Variants in VKORC1L1 observed in about 807,000 individuals in gnomAD.
VKORC1L1 encodes vitamin K epoxide reductase complex subunit 1-like protein 1.
VKORC1L1 carries 2 observed loss-of-function variants against 18.9 expected under a neutral mutation model. That is an observed-to-expected ratio of 0.11 (90% confidence interval 0.04 to 0.33). The LOEUF (loss-of-function observed/expected upper bound fraction) is 0.33, where lower values mean the gene tolerates loss of function less well. VKORC1L1 is among the 10% of genes least tolerant of loss of function. The probability of loss-of-function intolerance (pLI) is 1.00; values close to 1 mark genes in which losing one functional copy is unlikely to be tolerated. For missense variants in VKORC1L1, 123 were observed against 224.1 expected (o/e 0.55, Z 2.88); for synonymous variants, 96 against 100.0 (o/e 0.96, Z 0.24).
Position 65,873,538 on chromosome 7 carries a change from T to A in VKORC1L1, c.167T>A (p.Val56Glu). ...HRALCDLGPWVKCSAALASRW... is the reference protein window; with the variant it reads ...HRALCDLGPWEKCSAALASRW... ...GCCCTCTGCGACCTGGGGCCCTGGG[T>A]GAAGTGCTCCGCCGCCCTTGCCTCC... Residue 56 changes from valine (V) to glutamate (E), a missense_variant, in exon 1 of 3, where the codon GTG becomes GAG. Val to Glu is a moderately radical substitution (Grantham distance 121). Around this residue, in one of 4 missense-constraint regions of VKORC1L1, gnomAD observed 60 missense variants for 76.9 expected, o/e 0.78. Coordinates refer to ENST00000360768, the MANE Select transcript of VKORC1L1 (RefSeq NM_173517.6). 6.4e-7 allele frequency: 1 copy of A among 1,571,832 alleles called. No homozygotes were observed. The highest frequency in any genetic ancestry group is 8.6e-7 in the Non-Finnish European group (1 of 1,162,474).
chr7:65,877,382 C>T (rs1382581293), intron 1 of VKORC1L1, among the ~76,000 whole-genome samples: 2 of 150,666 alleles, frequency 1.3e-5, no homozygotes, highest in Non-Finnish European at 2.9e-5. Context: ...TCTCGCTGCT[C>T]TGTCACCCGG....
chr7:65,896,377 G>T (rs1789212573), intron 1 of VKORC1L1, among the ~76,000 whole-genome samples: 1 of 152,020 alleles, frequency 6.6e-6, no homozygotes, highest in Admixed American at 6.6e-5. Flanking sequence ...ATGTTTGGTG[G>T]ACATAAATAC....
rs1333079949 is a variant in VKORC1L1, at chr7:65,896,118, C to T, written c.194+22553C>T. Reference sequence around the variant, plus strand: ...GGGGTTTCACCATGTTGGCCAGGCTCGTTTTGAACTCCTGACCTCAAGTGA... The same window carrying T: ...GGGGTTTCACCATGTTGGCCAGGCTTGTTTTGAACTCCTGACCTCAAGTGA... On this transcript the variant is annotated intron_variant, in intron 1 of 2. Coordinates refer to ENST00000360768, the MANE Select transcript of VKORC1L1 (RefSeq NM_173517.6). Among the ~76,000 whole-genome samples, 7 of 148,898 alleles carry T rather than the reference C, an allele frequency of 4.7e-5. No homozygotes were observed. The East Asian group carries it at 5.9e-4, about 13-fold the overall frequency.
At chr7:65,922,691 C>G (rs55895244) in intron 1 of VKORC1L1, among the ~76,000 whole-genome samples, 19,302 of 152,232 alleles carry the variant, frequency 0.13, 1,384 homozygotes, top group Middle Eastern at 0.21. Context: ...CCGAAATGTA[C>G]ACTTGCACCT....
chr7:65,873,691 GGGGTC>G (rs1788772329), intron 1 of VKORC1L1, 126 bp downstream of exon 1: 1 of 1,000,906 alleles, frequency 1.0e-6, no homozygotes, highest in Non-Finnish European at 1.3e-6. Context: ...GGGAACTGAC[GGGGTC>G]GGGTCGGGGC....
chr7:65,874,578 C>A (rs1212686177), intron 1 of VKORC1L1, among the ~76,000 whole-genome samples: 1 of 151,836 alleles, frequency 6.6e-6, no homozygotes, highest in African/African-American at 2.4e-5. Flanking sequence ...GAGGCCGAGG[C>A]GGGTGGATCA....
intron 1 of VKORC1L1, among the ~76,000 whole-genome samples, chr7:65,893,724 G>A (rs1356963430): frequency 6.6e-6 from 1 of 152,166 alleles, no homozygotes; most frequent in African/African-American, 2.4e-5. Flanking sequence ...TATAATGCAT[G>A]TTAACTAAAG....
At chr7:65,895,481 ATATATATATATATATATATATAT>A (rs1404274789) in intron 1 of VKORC1L1, among the ~76,000 whole-genome samples, 56 of 23,598 alleles carry the variant, frequency 2.4e-3, no homozygotes, top group South Asian at 0.02. Context: ...AAAAAAAAAA[ATATATATATATATATATATATAT>A]ATATATATAT....
intron 1 of VKORC1L1, among the ~76,000 whole-genome samples, chr7:65,921,879 G>T (rs1005874416): frequency 6.6e-6 from 1 of 151,982 alleles, no homozygotes; most frequent in Admixed American, 6.6e-5. Context: ...TTTAGAGACG[G>T]GTCTCACGGT....
chr7:65,898,093 T>C (rs1184180325), intron 1 of VKORC1L1, among the ~76,000 whole-genome samples: 1 of 111,490 alleles, frequency 9.0e-6, no homozygotes, highest in Non-Finnish European at 1.9e-5. Flanking sequence ...TTTTTTTTTT[T>C]TTTTTTTTTT....
chr7:65,874,015 T>C (rs1400786394), intron 1 of VKORC1L1, among the ~76,000 whole-genome samples: 1 of 152,148 alleles, frequency 6.6e-6, no homozygotes, highest in Non-Finnish European at 1.5e-5. Flanking sequence ...CCCCGATCGC[T>C]GCAGCCGAGG....
At chr7:65,878,070 G>C (rs1038804448) in intron 1 of VKORC1L1, among the ~76,000 whole-genome samples, 2 of 151,928 alleles carry the variant, frequency 1.3e-5, no homozygotes, top group Non-Finnish European at 2.9e-5. Context: ...ACAAAATGTC[G>C]GATTACTACC....
At chr7:65,915,333 C>T (rs1789569968) in intron 1 of VKORC1L1, among the ~76,000 whole-genome samples, 1 of 151,898 alleles carries the variant, frequency 6.6e-6, no homozygotes, top group Non-Finnish European at 1.5e-5. Flanking sequence ...CCTCGTGATC[C>T]ACCCACCTCA....
chr7:65,947,681 T>C (rs1391163634), intron 1 of VKORC1L1, among the ~76,000 whole-genome samples: 1 of 152,130 alleles, frequency 6.6e-6, no homozygotes, highest in African/African-American at 2.4e-5. Flanking sequence ...CTATAGTTTC[T>C]GATATTATCC....
chr7:65,891,135 G>C (rs1396059669), intron 1 of VKORC1L1, among the ~76,000 whole-genome samples: 1 of 146,050 alleles, frequency 6.8e-6, no homozygotes, highest in East Asian at 2.0e-4. Flanking sequence ...ATCCAACTTG[G>C]TGGTGGTATG....
chr7:65,922,413 T>A (rs1789692534), intron 1 of VKORC1L1, among the ~76,000 whole-genome samples: 1 of 152,208 alleles, frequency 6.6e-6, no homozygotes, highest in African/African-American at 2.4e-5. Flanking sequence ...CCCGAGTAGC[T>A]GGGATTACAG....
chr7:65,938,006 G>A (rs1286331313), intron 1 of VKORC1L1, among the ~76,000 whole-genome samples: 2 of 151,006 alleles, frequency 1.3e-5, no homozygotes, highest in African/African-American at 4.9e-5. Context: ...TCAGGAGTTC[G>A]AGACCATCCT....
At chr7:65,936,521 C>T (rs985695769) in intron 1 of VKORC1L1, among the ~76,000 whole-genome samples, 1 of 152,178 alleles carries the variant, frequency 6.6e-6, no homozygotes, top group Admixed American at 6.5e-5. Context: ...ATTTTAAAAG[C>T]GTTTGCTATC....
chr7:65,937,597 G>T (rs1013198822), intron 1 of VKORC1L1, among the ~76,000 whole-genome samples: 4 of 152,022 alleles, frequency 2.6e-5, no homozygotes, highest in African/African-American at 9.7e-5. Flanking sequence ...TGTTTCGGTA[G>T]AGTCAGGGTT....
Sources: allele counts gnomAD v4.1 joint callset (sites outside exome capture counted in the v4.1 genomes callset), GRCh38; gene constraint gnomAD v4.1.1; regional missense constraint gnomAD v4.1.1; transcripts MANE v1.5; gene names NCBI Gene and HGNC (gene_info 2026-07-23, HGNC 2026-07-21).